Variants in CACNA2D2 observed in about 807,000 individuals in gnomAD.
CACNA2D2 encodes voltage-dependent calcium channel subunit alpha-2/delta-2.
CACNA2D2 carries 48 observed loss-of-function variants against 166.4 expected under a neutral mutation model. The observed-to-expected ratio is 0.29, with a 90% confidence interval of 0.23 to 0.37. CACNA2D2 has a LOEUF of 0.37. Among genes scored for constraint, CACNA2D2 ranks in the 10% least tolerant of loss-of-function variants. The pLI, the probability that CACNA2D2 is intolerant of heterozygous loss-of-function variation, is 1.00. For missense variants in CACNA2D2, 1,122 were observed against 1,433.0 expected, an observed-to-expected ratio of 0.78 and a Z score of 3.50; for synonymous variants, 561 against 573.7, an observed-to-expected ratio of 0.98 and a Z score of 0.32.
chr3:50,487,926 G>A (rs985724872), intron 1 of CACNA2D2, among the ~76,000 whole-genome samples: 2 of 152,162 alleles, frequency 1.3e-5, no homozygotes, highest in Non-Finnish European at 2.9e-5. Flanking sequence ...CAGCAAGCAG[G>A]GCAGATGCAG....
At position 50,367,804 on chromosome 3, in the gene CACNA2D2, A is replaced by G. The variant is rs749380365; in HGVS notation, c.2234+8T>C. The G allele has an allele frequency of 6.2e-7, 1 of 1,611,246 alleles. No homozygotes were observed. Among genetic ancestry groups the G allele is most frequent in the South Asian group, 1.1e-5 (1 of 90,974 alleles). ...GCCTTCTGCCCCCACAGGCTGGGTG[A>G]TGCCTACGTGTTGAGATCCTGGTCC... On this transcript the variant is annotated splice_region_variant and intron_variant, in intron 25 of 37. Transcript: ENST00000424201. This position sits in a 1 kb window ranked among gnomAD's most constrained non-coding sequence, Gnocchi z 6.5.
chr3:50,482,893 AG>A (rs1208485528), intron 1 of CACNA2D2, among the ~76,000 whole-genome samples: 1 of 152,216 alleles, frequency 6.6e-6, no homozygotes, highest in Admixed American at 6.5e-5. Context: ...AGCCCAGGGC[AG>A]GGCCTCCCAA....
At chr3:50,370,204 G>A (rs587602514) in intron 23 of CACNA2D2, 116 bp downstream of exon 23, 20 of 734,312 alleles carry the variant, frequency 2.7e-5, no homozygotes, top group East Asian at 1.1e-4. Context: ...TATGGGGGCC[G>A]GGGGATGACA....
At chr3:50,488,167 C>G (rs1452219486) in intron 1 of CACNA2D2, among the ~76,000 whole-genome samples, 1 of 152,166 alleles carries the variant, frequency 6.6e-6, no homozygotes, top group East Asian at 1.9e-4. Flanking sequence ...CAGCAGTGGG[C>G]TCCACACACA....
In CACNA2D2 at chr3:50,364,672, G is replaced by A. The variant is rs941889396; in HGVS notation, c.3426C>T (p.Arg1142=). ...QPQVLVHASR[R]L ...GTGGGGTGGGGCAGGGTGCTCAGAGGCGGCGAGAGGCGTGGACGAGGACTT... is the reference window on the plus strand; with the variant it reads ...GTGGGGTGGGGCAGGGTGCTCAGAGACGGCGAGAGGCGTGGACGAGGACTT... The change falls in exon 38 of 38, where the codon CGC becomes CGT. Residue 1142 remains arginine, a synonymous_variant. Transcript: ENST00000424201. 24 of 1,526,036 alleles carry A rather than the reference G, an allele frequency of 1.6e-5. No individual in the cohort carries two copies. Among genetic ancestry groups the A allele is most frequent in the Non-Finnish European group, 2.0e-5 (23 of 1,134,710 alleles). 94.5% of individuals were successfully genotyped at this position (1,526,036 alleles called of 1,614,324 possible).
intron 3 of CACNA2D2, among the ~76,000 whole-genome samples, chr3:50,418,361 G>T (rs1707367652): frequency 6.6e-6 from 1 of 152,150 alleles, no homozygotes; most frequent in South Asian, 2.1e-4. Context: ...CTACCTTCTT[G>T]GCCCTCCACT....
At chr3:50,424,427 T>C (rs1393394285) in intron 3 of CACNA2D2, among the ~76,000 whole-genome samples, 1 of 152,162 alleles carries the variant, frequency 6.6e-6, no homozygotes, top group Non-Finnish European at 1.5e-5. Context: ...CCTCTGCCAC[T>C]GCATGCATGC....
intron 3 of CACNA2D2, among the ~76,000 whole-genome samples, chr3:50,396,642 C>T (rs1430046354): frequency 6.6e-6 from 1 of 152,180 alleles, no homozygotes; most frequent in Non-Finnish European, 1.5e-5. Context: ...ATGCTTGTCA[C>T]CAGTGTTAGG....
intron 3 of CACNA2D2, among the ~76,000 whole-genome samples, chr3:50,420,313 A>C (rs1453699027): frequency 6.6e-6 from 1 of 152,204 alleles, no homozygotes; most frequent in East Asian, 1.9e-4. Flanking sequence ...TCAATGTGGC[A>C]GGCTCTGAGC....
chr3:50,480,897 A>T (rs1285558306), intron 1 of CACNA2D2, among the ~76,000 whole-genome samples: 1 of 39,188 alleles, frequency 2.6e-5, no homozygotes, highest in Non-Finnish European at 5.0e-5. Context: ...AAGGGGAGGA[A>T]GGGGGAGGAA....
rs768384363 is a variant in CACNA2D2, at chr3:50,434,335, T to C, written c.383A>G (p.Asp128Gly). The change falls in exon 3 of 38, where the codon GAC becomes GGC. Residue 128 changes from aspartate to glycine, a missense_variant. Asp to Gly is a moderately conservative substitution (Grantham distance 94, BLOSUM62 -1). Around this residue, in one of 2 missense-constraint regions of CACNA2D2, gnomAD observed 840 missense variants for 1,166.8 expected, o/e 0.72. Transcript: ENST00000424201. ...TACCTTCAGGGCCTGCACCTTCCTG[T>C]CCAGAAGGCTCTCAATGTCCCCTGC... The part of the protein sequence containing the change: ...KVAGDIESLL[D>G]RKVQALKRLA... The C allele has an allele frequency of 6.2e-7, 1 of 1,613,530 alleles. No homozygotes were observed. The highest frequency in any genetic ancestry group is 8.5e-7 in the Non-Finnish European group (1 of 1,179,524).
intron 1 of CACNA2D2, among the ~76,000 whole-genome samples, chr3:50,490,031 G>C (rs1466225577): frequency 1.3e-5 from 2 of 152,216 alleles, no homozygotes; most frequent in Non-Finnish European, 2.9e-5. Context: ...AGTGGATTCA[G>C]GTGGGGAAGG....
intron 5 of CACNA2D2, among the ~76,000 whole-genome samples, chr3:50,386,421 C>T (rs587737564): frequency 4.0e-4 from 61 of 152,340 alleles, no homozygotes; most frequent in Middle Eastern, 3.4e-3. Flanking sequence ...AATTACAGCC[C>T]GCTGCTGAGG....
intron 2 of CACNA2D2, among the ~76,000 whole-genome samples, chr3:50,470,022 C>T (rs956567924): frequency 1.3e-5 from 2 of 152,348 alleles, no homozygotes; most frequent in East Asian, 1.9e-4. Flanking sequence ...TCCCACAGAC[C>T]TGCCCCTCTG....
At chr3:50,437,411 G>C (rs943159684) in intron 2 of CACNA2D2, among the ~76,000 whole-genome samples, 2 of 152,220 alleles carry the variant, frequency 1.3e-5, no homozygotes, top group Admixed American at 6.5e-5. Context: ...TTTCTGCTGA[G>C]AGGAGAGCAG....
chr3:50,434,217 C>T (rs986517333), intron 3 of CACNA2D2, 96 bp downstream of exon 3: 12 of 827,726 alleles, frequency 1.4e-5, no homozygotes, highest in Admixed American at 8.1e-5. Flanking sequence ...AGGAGGGCCA[C>T]GTGATGAAGG....
chr3:50,465,973 C>G (rs1288720512), intron 2 of CACNA2D2, among the ~76,000 whole-genome samples: 1 of 152,150 alleles, frequency 6.6e-6, no homozygotes, highest in Non-Finnish European at 1.5e-5. Context: ...CCAGGAGGCC[C>G]GGGACCTGGA....
At position 50,376,079 on chromosome 3, in the gene CACNA2D2, G is replaced by C. The variant is rs771457374; in HGVS notation, c.1701+35C>G. 1 of 1,613,350 alleles carries C rather than the reference G, an allele frequency of 6.2e-7. No homozygotes were observed. The highest frequency in any genetic ancestry group is 8.5e-7 in the Non-Finnish European group (1 of 1,180,006). On this transcript the variant is annotated intron_variant, in intron 18 of 37. Coordinates refer to ENST00000424201, the MANE Select transcript of CACNA2D2 (RefSeq NM_006030.4). The surrounding 1 kb of genome is among the most constrained non-coding windows in gnomAD (Gnocchi z 4.3). ...AAGTCAGAAGTCCCCATTGTGGAAG[G>C]TTTGCCCACCCTCCAGGCCACCCGT...
Position 50,384,269 on chromosome 3 carries a change from C to T in CACNA2D2, c.579G>A (p.Glu193=). The change falls in exon 6 of 38, where the codon GAG becomes GAA. Residue 193 remains glutamate, a synonymous_variant. Coordinates refer to ENST00000424201, the MANE Select transcript of CACNA2D2 (RefSeq NM_006030.4). ...TGACCTTGTTCTTGAAGTTTGGGTC[C>T]TCGATGAAGTCCAGCCTTAGGGTGC... ...KASTLRLDFI[E]DPNFKNKVNY... is the part of the protein sequence containing the mutation. 1 of 1,614,154 alleles carries T rather than the reference C, an allele frequency of 6.2e-7. No homozygotes were observed. The highest frequency in any genetic ancestry group is 8.5e-7 in the Non-Finnish European group (1 of 1,180,004).
Sources: allele counts gnomAD v4.1 joint callset (sites outside exome capture counted in the v4.1 genomes callset), GRCh38; gene constraint gnomAD v4.1.1; regional missense constraint gnomAD v4.1.1; non-coding constraint Gnocchi (gnomAD v3.1); transcripts MANE v1.5; gene names NCBI Gene and HGNC (gene_info 2026-07-23, HGNC 2026-07-21).